RREB1: variants seen among roughly 807,000 people sequenced by gnomAD.
RREB1 encodes the protein ras responsive element binding protein 1.
In RREB1, 27 loss-of-function variants were observed where a neutral mutation model predicts 117.8. The observed-to-expected ratio is 0.23, with a 90% confidence interval of 0.17 to 0.32. The LOEUF (loss-of-function observed/expected upper bound fraction) is 0.32, where lower values mean the gene tolerates loss of function less well. RREB1 is among the 10% of genes least tolerant of loss of function. The probability of loss-of-function intolerance (pLI) is 1.00; values close to 1 mark genes in which losing one functional copy is unlikely to be tolerated. For synonymous variants in RREB1, 1,298 were observed against 1,026.7 expected (o/e 1.26, Z -5.05); for missense variants, 2,577 against 2,378.2 (o/e 1.08, Z -1.74).
At chr6:7,224,999 G>T (rs968806745) in intron 8 of RREB1, among the ~76,000 whole-genome samples, 1 of 152,090 alleles carries the variant, frequency 6.6e-6, no homozygotes, top group Non-Finnish European at 1.5e-5. Context: ...CCGCTACAGC[G>T]CGATAAGGCA....
In RREB1 at chr6:7,117,270, T is replaced by C. The variant is rs1247362568; in HGVS notation, c.-285+9210T>C. 2.6e-5 allele frequency among the ~76,000 whole-genome samples: 4 copies of C among 151,250 alleles called. No homozygotes were observed. The South Asian group carries it at 8.4e-4, about 32-fold the overall frequency. On this transcript the variant is annotated intron_variant, in intron 1 of 12. Coordinates refer to ENST00000379938, the MANE Select transcript of RREB1 (RefSeq NM_001003699.4). ...AAAACATTTCTCTGAATATACAAAA[T>C]CAAAATCTTAATTTTCTCATAAAAG...
Position 7,230,680 on chromosome 6 carries a change from G to T in RREB1, c.2581G>T (p.Ala861Ser), listed in dbSNP as rs2113115187. 1.9e-6 allele frequency: 3 copies of T among 1,593,822 alleles called. No homozygotes were observed. The highest frequency in any genetic ancestry group is 2.6e-6 in the Non-Finnish European group (3 of 1,169,288). Residue 861 changes from alanine to serine, a missense_variant, in exon 10 of 13, where the codon GCC (alanine) becomes TCC (serine). Physicochemically the swap from Ala to Ser is moderately conservative, Grantham distance 99. Transcript: ENST00000379938. Reference protein sequence around the residue: ...AALGDCKPLTAFLEPQNGFLH... With the variant: ...AALGDCKPLTSFLEPQNGFLH... ...CCTTGGTGACTGCAAGCCCCTCACTGCCTTCCTGGAACCCCAGAACGGCTT... is the reference window on the plus strand; with the variant it reads ...CCTTGGTGACTGCAAGCCCCTCACTTCCTTCCTGGAACCCCAGAACGGCTT...
chr6:7,163,684 G>T (rs377727315), intron 1 of RREB1, among the ~76,000 whole-genome samples: 1 of 152,072 alleles, frequency 6.6e-6, no homozygotes, highest in Non-Finnish European at 1.5e-5. Context: ...GTGAGCCACC[G>T]CGCCTGGCAC....
intron 10 of RREB1, among the ~76,000 whole-genome samples, chr6:7,234,806 A>G (rs1217850527): frequency 6.6e-6 from 1 of 152,204 alleles, no homozygotes; most frequent in East Asian, 1.9e-4. Context: ...GCCTACAGCC[A>G]TATGGGGAAT....
intron 8 of RREB1, among the ~76,000 whole-genome samples, chr6:7,223,937 T>G (rs1348348830): frequency 1.3e-5 from 2 of 152,238 alleles, no homozygotes; most frequent in African/African-American, 4.8e-5. Flanking sequence ...AATTAAATTT[T>G]ATATAAGCTG....
chr6:7,199,461 G>A (rs1449473752), intron 6 of RREB1, among the ~76,000 whole-genome samples: 2 of 152,096 alleles, frequency 1.3e-5, no homozygotes, highest in Non-Finnish European at 2.9e-5. Context: ...TTAACAATTG[G>A]GGCAACGTAG....
chr6:7,124,313 G>C (rs1028827290), intron 1 of RREB1, among the ~76,000 whole-genome samples: 2 of 152,002 alleles, frequency 1.3e-5, no homozygotes, highest in Admixed American at 6.6e-5. Flanking sequence ...ATGTGTATTG[G>C]GGAGGCGGTG....
chr6:7,164,478 C>T (rs1422897860), intron 1 of RREB1, among the ~76,000 whole-genome samples: 1 of 152,204 alleles, frequency 6.6e-6, no homozygotes, highest in South Asian at 2.1e-4. Context: ...GCATTAACCT[C>T]ACATATGCTG....
intron 1 of RREB1, among the ~76,000 whole-genome samples, chr6:7,168,300 A>G (rs1441587537): frequency 6.7e-6 from 1 of 149,556 alleles, no homozygotes; most frequent in Non-Finnish European, 1.5e-5. Flanking sequence ...ATGTGCTTTT[A>G]AAGTTATGCT....
intron 1 of RREB1, among the ~76,000 whole-genome samples, chr6:7,155,710 T>A (rs1039265100): frequency 1.3e-5 from 2 of 152,278 alleles, no homozygotes; most frequent in African/African-American, 4.8e-5. Flanking sequence ...TAGAGTTAGA[T>A]GTGATTTAAT....
chr6:7,229,366 T>A lies in RREB1; in HGVS notation c.1267T>A (p.Ser423Thr), dbSNP rs1486536099. 17 of 1,614,014 alleles carry A rather than the reference T, an allele frequency of 1.1e-5. No individual in the cohort carries two copies. The highest frequency in any genetic ancestry group is 1.4e-5 in the Non-Finnish European group (17 of 1,179,994). Residue 423 changes from serine to threonine, a missense_variant, in exon 10 of 13, where the codon TCT becomes ACT. Ser to Thr is a moderately conservative substitution (Grantham distance 58). Coordinates refer to ENST00000379938, the MANE Select transcript of RREB1 (RefSeq NM_001003699.4). This position sits in a 1 kb window ranked among gnomAD's most constrained non-coding sequence, Gnocchi z 4.5. Reference protein sequence around the residue: ...SPFEAASLGGSLTVLPATKDS... With the variant: ...SPFEAASLGGTLTVLPATKDS... ...TTTCGAAGCTGCTTCCCTAGGCGGT[T>A]CTCTCACAGTTCTCCCCGCGACCAA... is the stretch of plus-strand genomic sequence containing the variant.
In RREB1 at chr6:7,242,302, C is replaced by T. The variant is rs532425348; in HGVS notation, c.3973+1700C>T. Among the ~76,000 whole-genome samples the T allele has an allele frequency of 1.2e-4, 18 of 152,274 alleles. No individual in the cohort carries two copies. The South Asian group carries it at 3.3e-3, about 28-fold the overall frequency. ...GAGTCGGAATTTGTGGTCTTAGCTT[C>T]GGTTCAGCACCAAGTGTATTTATAA... On this transcript the variant is annotated intron_variant, in intron 11 of 12. Coordinates refer to ENST00000379938, the MANE Select transcript of RREB1 (RefSeq NM_001003699.4).
chr6:7,125,995 G>T (rs1049394697), intron 1 of RREB1, among the ~76,000 whole-genome samples: 2 of 150,550 alleles, frequency 1.3e-5, no homozygotes, highest in African/African-American at 5.0e-5. Context: ...TTTTTTGTTT[G>T]TTTGTTTGTT....
chr6:7,201,092 G>A (rs1204916381), intron 6 of RREB1, among the ~76,000 whole-genome samples: 1 of 152,174 alleles, frequency 6.6e-6, no homozygotes, highest in Non-Finnish European at 1.5e-5. Flanking sequence ...TTAGGGATGG[G>A]CTTGCTGGGG....
chr6:7,138,925 AACTT>A lies in RREB1; in HGVS notation c.-285+30867_-285+30870del, dbSNP rs1439892468. Among the ~76,000 whole-genome samples, 4 of 80,916 alleles carry A rather than the reference AACTT, an allele frequency of 4.9e-5. No individual in the cohort carries two copies. In the East Asian group the frequency reaches 7.8e-4, roughly 16 times the overall value. 53.1% of individuals were successfully genotyped at this position (80,916 alleles called of 152,430 possible). On this transcript the variant is annotated intron_variant, in intron 1 of 12. Coordinates refer to ENST00000379938, the MANE Select transcript of RREB1 (RefSeq NM_001003699.4). ...AAAATAATGAAAAGATTTTTTTTCT[AACTT>A]AGTAGGTAGCCTTATTTGACTCTAA...
intron 1 of RREB1, among the ~76,000 whole-genome samples, chr6:7,125,516 C>T (rs1267677973): frequency 6.6e-6 from 1 of 152,178 alleles, no homozygotes; most frequent in Admixed American, 6.5e-5. Flanking sequence ...AAGTACTCAG[C>T]CCTGTTTCAG....
At position 7,229,017 on chromosome 6, in the gene RREB1, G is replaced by T; in HGVS notation, c.918G>T (p.Leu306=). ...RISQAWCETN[L]RRCISEQHRF... ...TATAGGCCTGGTGCGAAACAAACCT[G>T]CGGAGGTGCATCAGCGAGCAACACC... Residue 306 remains leucine, a synonymous_variant, in exon 10 of 13, where the codon CTG becomes CTT. Transcript: ENST00000379938. This position sits in a 1 kb window ranked among gnomAD's most constrained non-coding sequence, Gnocchi z 4.5. 6.5e-7 allele frequency: 1 copy of T among 1,532,676 alleles called. No individual in the cohort carries two copies. 94.9% of individuals were successfully genotyped at this position (1,532,676 alleles called of 1,614,324 possible).
intron 1 of RREB1, among the ~76,000 whole-genome samples, chr6:7,162,273 TAAA>T (rs879255988): frequency 7.0e-6 from 1 of 142,066 alleles, no homozygotes; most frequent in African/African-American, 2.6e-5. Context: ...CAGTTTACCC[TAAA>T]AAAAAAAAAG....
At chr6:7,191,728 T>C (rs912978071) in intron 6 of RREB1, among the ~76,000 whole-genome samples, 5 of 152,224 alleles carry the variant, frequency 3.3e-5, no homozygotes, top group East Asian at 1.9e-4. Context: ...TTGGCACTAT[T>C]ATAAGTAGAG....
Sources: allele counts gnomAD v4.1 joint callset (sites outside exome capture counted in the v4.1 genomes callset), GRCh38; gene constraint gnomAD v4.1.1; non-coding constraint Gnocchi (gnomAD v3.1); transcripts MANE v1.5; gene names NCBI Gene and HGNC (gene_info 2026-07-23, HGNC 2026-07-21).